Variants in RAPGEF6 observed in about 807,000 individuals in gnomAD.
RAPGEF6 encodes the protein Rap guanine nucleotide exchange factor 6.
RAPGEF6 carries 56 observed loss-of-function variants against 171.4 expected under a neutral mutation model. The ratio of observed to expected loss-of-function variants is 0.33; its 90% CI spans 0.26 to 0.41. RAPGEF6 has a LOEUF of 0.41. RAPGEF6 is among the 10% of genes least tolerant of loss of function. The probability of loss-of-function intolerance (pLI) is 1.00; values close to 1 mark genes in which losing one functional copy is unlikely to be tolerated. For missense variants in RAPGEF6, 1,674 were observed against 1,921.4 expected, an observed-to-expected ratio of 0.87 and a Z score of 2.41; for synonymous variants, 692 against 650.1, an observed-to-expected ratio of 1.06 and a Z score of -0.98.
chr5:131,587,584 A>G (rs1445181820), intron 4 of RAPGEF6, among the ~76,000 whole-genome samples: 1 of 152,208 alleles, frequency 6.6e-6, no homozygotes, highest in Non-Finnish European at 1.5e-5. Context: ...AGCTAAAACT[A>G]GAGAGTTGTT....
intron 6 of RAPGEF6, among the ~76,000 whole-genome samples, chr5:131,531,275 A>T (rs1759350949): frequency 6.6e-6 from 1 of 152,244 alleles, no homozygotes. Flanking sequence ...ACCATAAAAA[A>T]TCTTAATAAA....
At chr5:131,507,148 T>TTA (rs1030925351) in intron 9 of RAPGEF6, among the ~76,000 whole-genome samples, 7 of 143,894 alleles carry the variant, frequency 4.9e-5, no homozygotes, top group African/African-American at 7.7e-5. Context: ...CAATTTTTAC[T>TTA]TATATATATA....
chr5:131,529,399 C>T (rs1364482021), intron 6 of RAPGEF6, among the ~76,000 whole-genome samples: 2 of 151,836 alleles, frequency 1.3e-5, no homozygotes, highest in African/African-American at 2.4e-5. Context: ...TCGCTTTGAC[C>T]CGGGAGGTGG....
chr5:131,583,273 C>A (rs944125659), intron 4 of RAPGEF6, among the ~76,000 whole-genome samples: 3 of 152,134 alleles, frequency 2.0e-5, no homozygotes, highest in Middle Eastern at 3.2e-3. Context: ...CTTGTTATAT[C>A]CCCTCCATTG....
intron 1 of RAPGEF6, among the ~76,000 whole-genome samples, chr5:131,616,560 A>T (rs1436801416): frequency 6.6e-6 from 1 of 152,176 alleles, no homozygotes. Flanking sequence ...TGCTTAAAAA[A>T]TTTTTGCATT....
At chr5:131,558,667 T>G (rs1761397067) in intron 5 of RAPGEF6, among the ~76,000 whole-genome samples, 1 of 152,334 alleles carries the variant, frequency 6.6e-6, no homozygotes, top group East Asian at 1.9e-4. Context: ...ATTTATTCAT[T>G]TAAAATATTT....
chr5:131,480,217 T>C (rs908266626), intron 15 of RAPGEF6, among the ~76,000 whole-genome samples: 2 of 152,166 alleles, frequency 1.3e-5, no homozygotes, highest in South Asian at 2.1e-4. Context: ...CAAACGTGGA[T>C]TGAAAATACA....
rs1447178128 is a variant in RAPGEF6 at position 131,445,491 on chromosome 5, C to CTGTGTGTGTGTGTGTGTG, written c.3421+991_3421+992insCACACACACACACACACA. Among the ~76,000 whole-genome samples the CTGTGTGTGTGTGTGTGTG allele has an allele frequency of 9.9e-5, 8 of 80,832 alleles. No individual in the cohort carries two copies. The South Asian group carries it at 1.0e-3, about 10-fold the overall frequency. The allele number at this position is 80,832 out of a possible 152,430, so 53.0% of individuals were successfully genotyped here. The stretch of plus-strand genomic sequence containing the variant: ...TTTTTATGGGCAAATTTAACTCACT[C>CTGTGTGTGTGTGTGTGTG]TCTGTGTGTGTGTGTGTGTGTGTGT... On this transcript the variant is annotated intron_variant, in intron 22 of 27. Coordinates refer to ENST00000509018, the MANE Select transcript of RAPGEF6 (RefSeq NM_016340.6).
intron 24 of RAPGEF6, among the ~76,000 whole-genome samples, chr5:131,434,635 G>A (rs759646585): frequency 6.6e-6 from 1 of 152,122 alleles, no homozygotes; most frequent in Non-Finnish European, 1.5e-5. Flanking sequence ...CAGCTGAGTG[G>A]ATACATGTTT....
chr5:131,433,946 A>G (rs1023702777), intron 24 of RAPGEF6, among the ~76,000 whole-genome samples: 6 of 152,212 alleles, frequency 3.9e-5, no homozygotes, highest in Non-Finnish European at 8.8e-5. Context: ...TATCTTTCTC[A>G]GGCTCTCCCA....
At chr5:131,623,478 T>A (rs28526572) in intron 1 of RAPGEF6, among the ~76,000 whole-genome samples, 34 of 88,870 alleles carry the variant, frequency 3.8e-4, no homozygotes, top group African/African-American at 2.1e-3. Flanking sequence ...TTCACATTGC[T>A]TTTTTTTTTT....
chr5:131,442,827 G>A (rs908847643), intron 22 of RAPGEF6, among the ~76,000 whole-genome samples: 3 of 151,970 alleles, frequency 2.0e-5, no homozygotes, highest in South Asian at 2.1e-4. Flanking sequence ...TCGCTCTGTC[G>A]CCCGGGCTGA....
At position 131,604,679 on chromosome 5, in the gene RAPGEF6, A is replaced by C; in HGVS notation, c.84T>G (p.Ile28Met). The change falls in exon 2 of 28, where the codon ATT becomes ATG. Residue 28 changes from isoleucine (I) to methionine (M), a missense_variant. By Grantham distance (10) the Ile-to-Met change is conservative. Coordinates refer to ENST00000509018, the MANE Select transcript of RAPGEF6 (RefSeq NM_016340.6). ...PERTPEDLNT[I>M]YSYLHGMEIL... ...TTTCCATTCCATGAAGATAAGAATAAATAGTATTTAAGTCCTGTGGAACAG... is the reference window on the plus strand; with the variant it reads ...TTTCCATTCCATGAAGATAAGAATACATAGTATTTAAGTCCTGTGGAACAG... 1 of 1,610,328 alleles carries C rather than the reference A, an allele frequency of 6.2e-7. No homozygotes were observed. The highest frequency in any genetic ancestry group is 8.5e-7 in the Non-Finnish European group (1 of 1,178,356).
chr5:131,452,287 A>AAGCCT, intron 21 of RAPGEF6, among the ~76,000 whole-genome samples: 1 of 152,294 alleles, frequency 6.6e-6, no homozygotes, highest in South Asian at 2.1e-4. Flanking sequence ...TAAGCTGAGG[A>AAGCCT]AGCCTTTGTT....
At chr5:131,529,483 A>AAT (rs796109993) in intron 6 of RAPGEF6, among the ~76,000 whole-genome samples, 129 of 150,468 alleles carry the variant, frequency 8.6e-4, no homozygotes, top group African/African-American at 3.0e-3. Flanking sequence ...CAAAAAAAAA[A>AAT]AATAATAATC....
At chr5:131,453,547 T>C (rs552545901) in intron 20 of RAPGEF6, among the ~76,000 whole-genome samples, 1 of 152,182 alleles carries the variant, frequency 6.6e-6, no homozygotes, top group South Asian at 2.1e-4. Flanking sequence ...GCCATGACTG[T>C]GCCACTACAC....
intron 4 of RAPGEF6, among the ~76,000 whole-genome samples, chr5:131,587,868 T>C (rs1187795418): frequency 4.6e-5 from 7 of 152,188 alleles, no homozygotes; most frequent in Admixed American, 4.6e-4. Context: ...AAGGAAGGAA[T>C]GCTACATAGG....
In RAPGEF6 at chr5:131,486,032, AAT is replaced by A. The variant is rs142825415; in HGVS notation, c.1840+3512_1840+3513del. ...TTATTTTCTTTTGTCAGGCACCTATAATCTAAGTCCAGGGCCAAAACTGTAAG... is the reference window on the plus strand; with the variant it reads ...TTATTTTCTTTTGTCAGGCACCTATACTAAGTCCAGGGCCAAAACTGTAAG... On this transcript the variant is annotated intron_variant, in intron 15 of 27. Transcript: ENST00000509018. 8.8e-3 allele frequency among the ~76,000 whole-genome samples: 1,343 copies of A among 152,298 alleles called. 24 individuals are homozygous for A. The highest frequency in any genetic ancestry group is 0.031 in the African/African-American group (1,275 of 41,548).
At chr5:131,600,031 G>A (rs1427340228) in intron 3 of RAPGEF6, among the ~76,000 whole-genome samples, 4 of 152,126 alleles carry the variant, frequency 2.6e-5, no homozygotes, top group Admixed American at 1.3e-4. Flanking sequence ...CAACTTATCT[G>A]AAAAGAACTT....
Sources: gnomAD v4.1 joint callset for allele counts (sites outside exome capture counted in the v4.1 genomes callset) on GRCh38, gnomAD v4.1.1 for gene constraint, MANE v1.5 for transcripts, NCBI Gene and HGNC (gene_info 2026-07-23, HGNC 2026-07-21) for gene names.